TGM2: variants seen among roughly 807,000 people sequenced by gnomAD.
TGM2 encodes transglutaminase 2.
Under a neutral mutation model 75.6 loss-of-function variants are expected in TGM2, and 53 were observed. The ratio of observed to expected loss-of-function variants is 0.70; its 90% CI spans 0.56 to 0.88. The LOEUF (loss-of-function observed/expected upper bound fraction) is 0.88. Ranked by LOEUF, TGM2 falls within the 40% of genes least tolerant of loss-of-function variation. The pLI is 0.00. For synonymous variants in TGM2, 374 were observed against 381.1 expected (o/e 0.98, Z 0.22); for missense variants, 842 against 928.5 (o/e 0.91, Z 1.21).
intron 5 of TGM2, 82 bp from the exon 6 acceptor site, chr20:38,146,976 G>A: frequency 6.7e-7 from 1 of 1,483,362 alleles, no homozygotes; most frequent in Non-Finnish European, 9.2e-7. Flanking sequence ...AGTACAGCAG[G>A]GGGTGAAAGC....
At position 38,129,943 on chromosome 20, in the gene TGM2, G is replaced by A. The variant is rs6097985; in HGVS notation, c.*276C>T. On this transcript the variant is annotated 3_prime_UTR_variant, in exon 13 of 13. Transcript: ENST00000361475. Reference sequence around the variant, plus strand: ...GCATCTGGGCAGGAGAGGGAATGTAGGTCTTTCCTCTCTCACCCCAGCCCC... The same window carrying A: ...GCATCTGGGCAGGAGAGGGAATGTAAGTCTTTCCTCTCTCACCCCAGCCCC... 1 of 520,854 alleles carries A rather than the reference G, an allele frequency of 1.9e-6. No homozygotes were observed. Among genetic ancestry groups the A allele is most frequent in the Non-Finnish European group, 3.5e-6 (1 of 288,746 alleles). 32.3% of individuals were successfully genotyped at this position (520,854 alleles called of 1,614,324 possible). A position where few individuals can be genotyped will look rare whatever the true frequency, so the allele number is the denominator to read the frequency against.
chr20:38,140,485 G>GA (rs969004619), intron 8 of TGM2, among the ~76,000 whole-genome samples: 2 of 151,804 alleles, frequency 1.3e-5, no homozygotes, highest in African/African-American at 4.8e-5. Flanking sequence ...CTATGATGGG[G>GA]AAAAAAGGGT....
At chr20:38,163,163 G>A (rs997817884) in intron 1 of TGM2, among the ~76,000 whole-genome samples, 1 of 152,172 alleles carries the variant, frequency 6.6e-6, no homozygotes, top group Non-Finnish European at 1.5e-5. Flanking sequence ...CAGATGGGTG[G>A]GGGTCTTGGG....
chr20:38,129,805 G>C lies in TGM2; in HGVS notation c.*414C>G, dbSNP rs775861624. On this transcript the variant is annotated 3_prime_UTR_variant, in exon 13 of 13. Coordinates refer to ENST00000361475, the MANE Select transcript of TGM2 (RefSeq NM_004613.4). The stretch of plus-strand genomic sequence containing the variant: ...GGGAAGAGGTACGGGATGCAGTCTA[G>C]GGAGCTGGATTCCCTGATCCAGCCA... 74 of 220,736 alleles carry C rather than the reference G, an allele frequency of 3.4e-4. No homozygotes were observed. Among genetic ancestry groups the C allele is most frequent in the Non-Finnish European group, 5.7e-4 (62 of 108,492 alleles). 13.7% of individuals were successfully genotyped at this position (220,736 alleles called of 1,614,324 possible).
chr20:38,154,899 A>G (rs1357427155), intron 3 of TGM2, among the ~76,000 whole-genome samples: 1 of 152,318 alleles, frequency 6.6e-6, no homozygotes, highest in Admixed American at 6.5e-5. Context: ...TGAGGACGGT[A>G]GCTCGGGACC....
intron 6 of TGM2, among the ~76,000 whole-genome samples, chr20:38,144,336 CAGAG>C (rs1305090822): frequency 3.3e-5 from 5 of 152,300 alleles, no homozygotes; most frequent in Admixed American, 2.6e-4. Context: ...TGTGGTGATT[CAGAG>C]AGAGGCCGCG....
chr20:38,155,516 A>AT (rs953861424), intron 3 of TGM2, among the ~76,000 whole-genome samples: 20 of 150,922 alleles, frequency 1.3e-4, no homozygotes, highest in Non-Finnish European at 1.3e-4. Flanking sequence ...TACTGTTAAA[A>AT]TTTTTTTTTG....
chr20:38,150,626 A>G (rs941836149), intron 4 of TGM2, among the ~76,000 whole-genome samples: 19 of 152,306 alleles, frequency 1.2e-4, no homozygotes, highest in African/African-American at 4.3e-4. Context: ...AGTACTGCCT[A>G]TTGTTTCAAT....
At chr20:38,144,178 C>G (rs1268026869) in intron 6 of TGM2, among the ~76,000 whole-genome samples, 1 of 152,208 alleles carries the variant, frequency 6.6e-6, no homozygotes, top group Non-Finnish European at 1.5e-5. Context: ...ATCAGTCTAA[C>G]AGGAGGCTGC....
At chr20:38,147,028 G>A in intron 5 of TGM2, 134 bp from the exon 6 acceptor site, 1 of 925,464 alleles carries the variant, frequency 1.1e-6, no homozygotes, top group Non-Finnish European at 1.7e-6. Context: ...CAGGTGCAAA[G>A]GGGCCATCGT....
intron 4 of TGM2, among the ~76,000 whole-genome samples, chr20:38,149,804 T>C (rs1178284829): frequency 2.6e-5 from 4 of 152,138 alleles, no homozygotes; most frequent in Non-Finnish European, 5.9e-5. Flanking sequence ...TGATGTATTT[T>C]ATGCATCACG....
At chr20:38,157,016 C>G (rs1244406154) in intron 2 of TGM2, among the ~76,000 whole-genome samples, 2 of 152,250 alleles carry the variant, frequency 1.3e-5, no homozygotes, top group Admixed American at 6.5e-5. Context: ...CCCCCACAGG[C>G]AGGTCTGAGT....
intron 1 of TGM2, among the ~76,000 whole-genome samples, chr20:38,164,915 G>A (rs1020926179): frequency 6.6e-5 from 10 of 152,230 alleles, no homozygotes; most frequent in Non-Finnish European, 1.3e-4. Flanking sequence ...GACTGACTGA[G>A]GACACGTGCC....
chr20:38,134,019 T>C (rs1374410043), intron 10 of TGM2, among the ~76,000 whole-genome samples: 1 of 152,188 alleles, frequency 6.6e-6, no homozygotes, highest in Non-Finnish European at 1.5e-5. Context: ...GTTTCAGACC[T>C]GAGTCTACTG....
chr20:38,130,315 C>G lies in TGM2; in HGVS notation c.1968G>C (p.Pro656=), dbSNP rs370453250. The G allele has an allele frequency of 1.2e-5, 19 of 1,609,800 alleles. No homozygotes were observed. The highest frequency in any genetic ancestry group is 1.6e-5 in the Non-Finnish European group (19 of 1,178,630). The change falls in exon 13 of 13, where the codon CCG becomes CCC. Residue 656 remains proline, a synonymous_variant. Transcript: ENST00000361475. The stretch of plus-strand genomic sequence containing the variant: ...CCAGCTTGTGGAGGCCCATGTGGAG[C>G]GGCAGCAGGTCCATTCTCACCTTAA... ...EEVKVRMDLL[P]LHMGLHKLVV...
chr20:38,135,024 T>C (rs1180741718), intron 10 of TGM2, among the ~76,000 whole-genome samples: 1 of 152,152 alleles, frequency 6.6e-6, no homozygotes, highest in African/African-American at 2.4e-5. Flanking sequence ...ATGTCTCCAG[T>C]GGATCCCCAA....
chr20:38,132,585 G>T (rs774003128), intron 10 of TGM2, 85 bp from the exon 11 acceptor site: 4 of 1,559,950 alleles, frequency 2.6e-6, no homozygotes, highest in Non-Finnish European at 3.5e-6. Context: ...ACAGAGAGGG[G>T]AAGGAATGTG....
At chr20:38,165,438 C>T (rs2075302222), upstream of TGM2, 5 of 590,542 alleles carry the variant, frequency 8.5e-6, no homozygotes, top group South Asian at 1.0e-4. Context: ...GGGACGGCGG[C>T]CGGACGAGGG....
At chr20:38,133,438 T>A (rs1416593773) in intron 10 of TGM2, 4 of 154,268 alleles carry the variant, frequency 2.6e-5, no homozygotes, top group African/African-American at 4.8e-5. Flanking sequence ...AGCCGCACAG[T>A]GATATGGGGA....
Sources: gnomAD v4.1 joint callset for allele counts (sites outside exome capture counted in the v4.1 genomes callset) on GRCh38, gnomAD v4.1.1 for gene constraint, MANE v1.5 for transcripts, NCBI Gene and HGNC (gene_info 2026-07-23, HGNC 2026-07-21) for gene names.